The following MIPOL1 variants were observed in gnomAD, a reference collection of about 807,000 sequenced individuals.
MIPOL1 encodes mirror-image polydactyly 1.
Under a neutral mutation model 60.9 loss-of-function variants are expected in MIPOL1, and 57 were observed. The observed-to-expected ratio is 0.94, with a 90% confidence interval of 0.76 to 1.17. The LOEUF (loss-of-function observed/expected upper bound fraction) is 1.17, where lower values mean the gene tolerates loss of function less well. Among genes scored for constraint, MIPOL1 ranks in the 50% most tolerant of loss-of-function variants. The probability of loss-of-function intolerance (pLI) is 0.00; values close to 1 mark genes in which losing one functional copy is unlikely to be tolerated. For missense variants in MIPOL1, 551 were observed against 511.6 expected, an observed-to-expected ratio of 1.08 and a Z score of -0.74; for synonymous variants, 179 against 168.8, an observed-to-expected ratio of 1.06 and a Z score of -0.47.
At chr14:37,426,368 G>C (rs1368607903) in intron 11 of MIPOL1, among the ~76,000 whole-genome samples, 1 of 151,270 alleles carries the variant, frequency 6.6e-6, no homozygotes, top group East Asian at 2.0e-4. Context: ...AGGAGTTCAA[G>C]ACCACCCTGG....
intron 1 of MIPOL1, among the ~76,000 whole-genome samples, chr14:37,206,498 T>C (rs985880394): frequency 2.0e-5 from 3 of 152,150 alleles, no homozygotes; most frequent in Admixed American, 1.3e-4. Context: ...ATAAGGGAAA[T>C]GTGGGATTGG....
chr14:37,327,276 A>G (rs1158650024), intron 9 of MIPOL1, among the ~76,000 whole-genome samples: 1 of 152,124 alleles, frequency 6.6e-6, no homozygotes, highest in African/African-American at 2.4e-5. Context: ...GAGGTTGGAA[A>G]TAATAAAATT....
At chr14:37,228,759 G>A (rs1970171791) in intron 1 of MIPOL1, among the ~76,000 whole-genome samples, 1 of 152,168 alleles carries the variant, frequency 6.6e-6, no homozygotes, top group Non-Finnish European at 1.5e-5. Context: ...TTTTTCGTGT[G>A]TAATTAGTGT....
At chr14:37,420,178 A>G (rs985618385) in intron 10 of MIPOL1, among the ~76,000 whole-genome samples, 2 of 152,082 alleles carry the variant, frequency 1.3e-5, no homozygotes, top group Admixed American at 6.6e-5. Context: ...ATTTGCAAGT[A>G]TCTATATATG....
chr14:37,323,792 CT>C (rs1201317691), intron 9 of MIPOL1, among the ~76,000 whole-genome samples: 1 of 151,936 alleles, frequency 6.6e-6, no homozygotes, highest in Admixed American at 6.6e-5. Context: ...ACCCAAACAA[CT>C]TTTCTGATTT....
intron 10 of MIPOL1, among the ~76,000 whole-genome samples, chr14:37,372,077 GTATTT>G (rs1290864622): frequency 6.6e-6 from 1 of 151,826 alleles, no homozygotes; most frequent in African/African-American, 2.4e-5. Flanking sequence ...AATATTTTTA[GTATTT>G]TATTATAAAT....
chr14:37,293,693 A>G (rs2153420241), intron 7 of MIPOL1, among the ~76,000 whole-genome samples: 1 of 152,298 alleles, frequency 6.6e-6, no homozygotes, highest in South Asian at 2.1e-4. Context: ...TCCTATGCCC[A>G]CGGAGCCTCT....
intron 11 of MIPOL1, among the ~76,000 whole-genome samples, chr14:37,427,400 C>T (rs569250831): frequency 7.9e-5 from 12 of 152,020 alleles, no homozygotes; most frequent in South Asian, 6.2e-4. Flanking sequence ...AGAGGTTACC[C>T]GGAGTTGGAG....
At chr14:37,257,094 T>TG (rs1975073543) in intron 3 of MIPOL1, among the ~76,000 whole-genome samples, 2 of 97,066 alleles carry the variant, frequency 2.1e-5, no homozygotes, top group African/African-American at 4.2e-5. Flanking sequence ...TTGGTTTTGT[T>TG]TTGTGTGTGT....
At chr14:37,511,307 T>C (rs2095326084) in intron 12 of MIPOL1, among the ~76,000 whole-genome samples, 1 of 152,202 alleles carries the variant, frequency 6.6e-6, no homozygotes, top group African/African-American at 2.4e-5. Flanking sequence ...CTTTTCTTTA[T>C]GTACTTTTAT....
At chr14:37,204,587 C>T (rs1156710881) in intron 1 of MIPOL1, among the ~76,000 whole-genome samples, 1 of 152,056 alleles carries the variant, frequency 6.6e-6, no homozygotes, top group Non-Finnish European at 1.5e-5. Context: ...TTTGCTGCCG[C>T]CATGTGAGAT....
Position 37,289,613 on chromosome 14 carries a change from C to T in MIPOL1, c.623+4166C>T, listed in dbSNP as rs117163251. Reference sequence around the variant, plus strand: ...TATGGGGGAAGAGGTGCAGAGCTTCCGTGCCCTCCTTGGGTACACCACCCT... The same window carrying T: ...TATGGGGGAAGAGGTGCAGAGCTTCTGTGCCCTCCTTGGGTACACCACCCT... On this transcript the variant is annotated intron_variant, in intron 7 of 12. Coordinates refer to ENST00000684589, the MANE Select transcript of MIPOL1 (RefSeq NM_001388067.1). Among the ~76,000 whole-genome samples, 171 of 152,222 alleles carry T rather than the reference C, an allele frequency of 1.1e-3. 2 individuals are homozygous for T. In the East Asian group the frequency reaches 0.029, roughly 25 times the overall value.
At chr14:37,285,731 A>G (rs2084503266) in intron 7 of MIPOL1, among the ~76,000 whole-genome samples, 1 of 151,778 alleles carries the variant, frequency 6.6e-6, no homozygotes, top group Non-Finnish European at 1.5e-5. Flanking sequence ...AGCTGGGACT[A>G]CAGGCGCCTG....
In MIPOL1 at chr14:37,462,092, C is replaced by A. The variant is rs183028078; in HGVS notation, c.1032-37816C>A. ...CAGAGGTTCTCCATGAGGACCCCAT[C>A]CCTACAGCAGACTTCTGCCTGGGCA... On this transcript the variant is annotated intron_variant, in intron 11 of 12. Coordinates refer to ENST00000684589, the MANE Select transcript of MIPOL1 (RefSeq NM_001388067.1). 2.6e-5 allele frequency among the ~76,000 whole-genome samples: 4 copies of A among 152,364 alleles called. No individual in the cohort carries two copies. In the East Asian group the frequency reaches 7.7e-4, roughly 29 times the overall value.
chr14:37,231,827 C>G (rs966498835), intron 1 of MIPOL1, among the ~76,000 whole-genome samples: 1 of 152,126 alleles, frequency 6.6e-6, no homozygotes, highest in Non-Finnish European at 1.5e-5. Flanking sequence ...CACCTGTTAT[C>G]CTAGCACTTT....
At chr14:37,408,019 T>A (rs912223924) in intron 10 of MIPOL1, among the ~76,000 whole-genome samples, 1 of 151,056 alleles carries the variant, frequency 6.6e-6, no homozygotes, top group South Asian at 2.1e-4. Flanking sequence ...CTGGCTAATT[T>A]TTTATTTATT....
At chr14:37,481,836 A>G (rs2094876001) in intron 11 of MIPOL1, among the ~76,000 whole-genome samples, 1 of 152,186 alleles carries the variant, frequency 6.6e-6, no homozygotes, top group Non-Finnish European at 1.5e-5. Flanking sequence ...CACAATGGGA[A>G]AAGGATAGTC....
chr14:37,476,046 A>G (rs1204638825), intron 11 of MIPOL1, among the ~76,000 whole-genome samples: 1 of 152,206 alleles, frequency 6.6e-6, no homozygotes, highest in Non-Finnish European at 1.5e-5. Context: ...ATCTTATCCA[A>G]GACTCAGTTT....
At chr14:37,444,682 G>A (rs187560984) in intron 11 of MIPOL1, among the ~76,000 whole-genome samples, 21 of 152,088 alleles carry the variant, frequency 1.4e-4, no homozygotes, top group South Asian at 1.0e-3. Flanking sequence ...ATATAGATCC[G>A]GAGGATAAGA....
Sources: gnomAD v4.1 joint callset for allele counts (sites outside exome capture counted in the v4.1 genomes callset) on GRCh38, gnomAD v4.1.1 for gene constraint, MANE v1.5 for transcripts, NCBI Gene and HGNC (gene_info 2026-07-23, HGNC 2026-07-21) for gene names.